ATF7IP: variants seen among roughly 807,000 people sequenced by gnomAD.
ATF7IP encodes activating transcription factor 7 interacting protein.
In ATF7IP, 23 loss-of-function variants were observed where a neutral mutation model predicts 106.4. The observed-to-expected ratio is 0.22, with a 90% CI of 0.16 to 0.31. ATF7IP has a LOEUF of 0.31. ATF7IP is among the 10% of genes least tolerant of loss of function. ATF7IP has a pLI of 1.00. For synonymous variants in ATF7IP, 542 were observed against 539.0 expected (o/e 1.01, Z -0.08); for missense variants, 1,334 against 1,524.3 (o/e 0.88, Z 2.08).
At chr12:14,395,934 TA>T (rs149057722) in intron 1 of ATF7IP, among the ~76,000 whole-genome samples, 2,721 of 152,316 alleles carry the variant, frequency 0.018, 86 homozygotes, top group African/African-American at 0.062. Flanking sequence ...CATTTGTTAT[TA>T]TTTTTTTCTA....
intron 13 of ATF7IP, among the ~76,000 whole-genome samples, chr12:14,494,333 A>ATATATATGTG (rs1234871100): frequency 2.2e-4 from 19 of 85,996 alleles, no homozygotes; most frequent in East Asian, 1.2e-3. Flanking sequence ...ATATATATAT[A>ATATATATGTG]TGTGTGTGTG....
At chr12:14,431,171 C>T (rs1942102583) in intron 2 of ATF7IP, among the ~76,000 whole-genome samples, 1 of 152,148 alleles carries the variant, frequency 6.6e-6, no homozygotes, top group South Asian at 2.1e-4. Context: ...TAGTATTAAA[C>T]ATGTAATTTG....
chr12:14,474,600 T>A (rs1213553556), intron 10 of ATF7IP, among the ~76,000 whole-genome samples: 1 of 151,946 alleles, frequency 6.6e-6, no homozygotes, highest in African/African-American at 2.4e-5. Flanking sequence ...GGGGTTTCAC[T>A]ATATTGGCCA....
At chr12:14,464,332 AAAAC>A (rs534573746) in intron 9 of ATF7IP, among the ~76,000 whole-genome samples, 68 of 152,340 alleles carry the variant, frequency 4.5e-4, no homozygotes, top group African/African-American at 1.6e-3. Flanking sequence ...CTCAGAAAGA[AAAAC>A]AAACAAACGA....
At chr12:14,449,353 G>A (rs918250915) in intron 6 of ATF7IP, among the ~76,000 whole-genome samples, 4 of 151,850 alleles carry the variant, frequency 2.6e-5, no homozygotes, top group African/African-American at 9.7e-5. Flanking sequence ...TTTCTTTTGC[G>A]TGTATATATC....
chr12:14,368,294 T>C (rs1275985480), intron 1 of ATF7IP, among the ~76,000 whole-genome samples: 1 of 152,100 alleles, frequency 6.6e-6, no homozygotes, highest in African/African-American at 2.4e-5. Flanking sequence ...TCTACTCTTT[T>C]AATGTTATGA....
At chr12:14,490,594 T>C (rs4764093) in intron 13 of ATF7IP, among the ~76,000 whole-genome samples, 85,993 of 152,002 alleles carry the variant, frequency 0.57, 24,751 homozygotes, top group African/African-American at 0.67. Context: ...TGCAGCTGTG[T>C]ACTTGCCGGT....
chr12:14,469,947 G>A (rs560964720), intron 10 of ATF7IP, among the ~76,000 whole-genome samples: 1 of 152,248 alleles, frequency 6.6e-6, no homozygotes, highest in African/African-American at 2.4e-5. Context: ...GTTTTTTGGA[G>A]GTCTGGTCAC....
At chr12:14,389,323 A>G (rs1939419532) in intron 1 of ATF7IP, among the ~76,000 whole-genome samples, 1 of 152,196 alleles carries the variant, frequency 6.6e-6, no homozygotes, top group Non-Finnish European at 1.5e-5. Flanking sequence ...TTGTGTATGG[A>G]TATGGCAGAT....
chr12:14,418,587 C>G (rs1348999645), intron 1 of ATF7IP, among the ~76,000 whole-genome samples: 2 of 152,200 alleles, frequency 1.3e-5, no homozygotes, highest in South Asian at 4.1e-4. Flanking sequence ...GTAACACACC[C>G]TTCTCTAATG....
intron 1 of ATF7IP, among the ~76,000 whole-genome samples, chr12:14,409,931 A>G (rs1476525503): frequency 1.3e-5 from 2 of 152,140 alleles, no homozygotes; most frequent in Non-Finnish European, 2.9e-5. Flanking sequence ...TTATTGAGAT[A>G]CAGTTCACAT....
chr12:14,431,606 G>A (rs1230005881), intron 2 of ATF7IP, among the ~76,000 whole-genome samples: 1 of 152,042 alleles, frequency 6.6e-6, no homozygotes. Context: ...ATGTTAGCCA[G>A]GATGGTCTCG....
At chr12:14,438,821 A>G (rs1342036068) in intron 5 of ATF7IP, among the ~76,000 whole-genome samples, 3 of 152,160 alleles carry the variant, frequency 2.0e-5, no homozygotes, top group Non-Finnish European at 4.4e-5. Flanking sequence ...CAATATGTGA[A>G]CTTTTAGGGG....
At chr12:14,433,287 A>G (rs1425918375) in intron 2 of ATF7IP, among the ~76,000 whole-genome samples, 1 of 152,112 alleles carries the variant, frequency 6.6e-6, no homozygotes. Context: ...GGGGTGGATC[A>G]CGAGGTCAAG....
intron 6 of ATF7IP, among the ~76,000 whole-genome samples, chr12:14,454,244 C>A (rs1366056433): frequency 6.6e-6 from 1 of 152,136 alleles, no homozygotes. Context: ...CCTCTCTACT[C>A]TGAAGCTCCC....
intron 13 of ATF7IP, 128 bp downstream of exon 13, chr12:14,481,313 T>A: frequency 1.3e-6 from 1 of 789,386 alleles, no homozygotes; most frequent in East Asian, 2.7e-5. Context: ...AGTATTGTTA[T>A]AAGTTCAAGA....
intron 1 of ATF7IP, 87 bp downstream of exon 1, chr12:14,365,914 C>T (rs1258502801): frequency 6.6e-6 from 1 of 152,380 alleles, no homozygotes; most frequent in Non-Finnish European, 1.5e-5. Context: ...ATTATGGCGG[C>T]TGCGGGAGTT....
intron 1 of ATF7IP, among the ~76,000 whole-genome samples, chr12:14,414,685 AAG>A (rs1941111576): frequency 6.6e-6 from 1 of 152,122 alleles, no homozygotes; most frequent in Non-Finnish European, 1.5e-5. Flanking sequence ...AATAATGAAA[AAG>A]TATACAGTTA....
intron 12 of ATF7IP, 33 bp from the exon 13 acceptor site, chr12:14,480,970 G>A (rs745317628): frequency 5.0e-6 from 8 of 1,597,794 alleles, no homozygotes; most frequent in African/African-American, 2.7e-5. Context: ...AGAATTTACT[G>A]TATTCTTAAT....
Sources: gnomAD v4.1 joint callset for allele counts (sites outside exome capture counted in the v4.1 genomes callset) on GRCh38, gnomAD v4.1.1 for gene constraint, MANE v1.5 for transcripts, NCBI Gene and HGNC (gene_info 2026-07-23, HGNC 2026-07-21) for gene names.